RPS24: variants seen among roughly 807,000 people sequenced by gnomAD.
RPS24 encodes ribosomal protein S24.
For missense variants in RPS24, 100 were observed against 162.5 expected (o/e 0.62, Z 2.09); for synonymous variants, 72 against 55.6 (o/e 1.30, Z -1.31).
Position 78,040,635 on chromosome 10 carries a change from C to T in RPS24, c.*40C>T, listed in dbSNP as rs781422293. ...CACAGCCGAAGGAGTAAAGGTGCTG[C>T]AATGATGTTAGCTGTGGCCACTGTG... is the stretch of plus-strand genomic sequence containing the variant. On this transcript the variant is annotated 3_prime_UTR_variant, in exon 6 of 6. Transcript: ENST00000372360. 7 of 1,613,798 alleles carry T rather than the reference C, an allele frequency of 4.3e-6. No homozygotes were observed. The highest frequency in any genetic ancestry group is 1.7e-5 in the Admixed American group (1 of 60,014).
At chr10:78,055,010 A>T in exon 5 of RPS24, 1 of 1,460,520 alleles carries the variant, frequency 6.8e-7, no homozygotes. Context: ...TGGGCCACTA[A>T]TGTCACTGCC....
intron 1 of RPS24, 137 bp from the exon 2 acceptor site, chr10:78,035,215 A>T (rs778028436): frequency 1.2e-6 from 1 of 826,212 alleles, no homozygotes; most frequent in Non-Finnish European, 2.1e-6. Context: ...GGCCTTGCCC[A>T]GTGGGTTTTA....
chr10:78,040,892 G>A (rs1281897795), downstream of RPS24: 2 of 582,470 alleles, frequency 3.4e-6, no homozygotes, highest in Non-Finnish European at 6.1e-6. Context: ...TGTAAATGCT[G>A]TGTTAAGAAC....
At chr10:78,050,220 C>T (rs1848085800) in intron 4 of RPS24, among the ~76,000 whole-genome samples, 1 of 152,142 alleles carries the variant, frequency 6.6e-6, no homozygotes, top group African/African-American at 2.4e-5. Context: ...ATGGCTGCCA[C>T]AACCAGGATT....
downstream of RPS24, among the ~76,000 whole-genome samples, chr10:78,042,921 C>T (rs938013072): frequency 1.3e-5 from 2 of 152,178 alleles, no homozygotes; most frequent in African/African-American, 4.8e-5. Flanking sequence ...AAGACAGCAT[C>T]TTACATGGTG....
chr10:78,046,687 A>G (rs1848047382), intron 4 of RPS24, among the ~76,000 whole-genome samples: 1 of 151,896 alleles, frequency 6.6e-6, no homozygotes, highest in Non-Finnish European at 1.5e-5. Context: ...AAGTACTATT[A>G]CCCCCATTTT....
intron 4 of RPS24, among the ~76,000 whole-genome samples, chr10:78,051,396 A>G (rs1215386807): frequency 6.6e-6 from 1 of 152,224 alleles, no homozygotes; most frequent in Non-Finnish European, 1.5e-5. Flanking sequence ...TTTCCGTGCT[A>G]TGTCCACACC....
At chr10:78,042,380 T>C (rs1847995597), downstream of RPS24, among the ~76,000 whole-genome samples, 1 of 152,192 alleles carries the variant, frequency 6.6e-6, no homozygotes, top group Non-Finnish European at 1.5e-5. Context: ...GTCTTTTAAA[T>C]TGGGCTCCCA....
intron 4 of RPS24, chr10:78,038,491 A>G (rs1294904441): frequency 6.7e-6 from 1 of 149,178 alleles, no homozygotes; most frequent in Non-Finnish European, 1.5e-5. Flanking sequence ...GCCTTTTACC[A>G]TTTCCATTGC....
chr10:78,042,036 A>G (rs765666944), downstream of RPS24, among the ~76,000 whole-genome samples: 1 of 152,258 alleles, frequency 6.6e-6, no homozygotes, highest in Admixed American at 6.5e-5. Context: ...GTGATATTAT[A>G]GAAAATGTGG....
chr10:78,042,861 T>C (rs1351325245), downstream of RPS24, among the ~76,000 whole-genome samples: 1 of 152,192 alleles, frequency 6.6e-6, no homozygotes, highest in East Asian at 1.9e-4. Context: ...CTTTCAACTC[T>C]GCACTCTTCC....
At chr10:78,054,432 G>T in intron 4 of RPS24, 1 of 1,079,432 alleles carries the variant, frequency 9.3e-7, no homozygotes, top group South Asian at 1.7e-5. Flanking sequence ...GGTACCAAGT[G>T]AGGGAGGTGC....
chr10:78,033,981 C>T, intron 1 of RPS24, 77 bp downstream of exon 1: 1 of 1,568,040 alleles, frequency 6.4e-7, no homozygotes, highest in South Asian at 1.1e-5. Flanking sequence ...AGTACTTGAG[C>T]TATAGGCACG....
chr10:78,044,168 G>A (rs1461419089), downstream of RPS24, among the ~76,000 whole-genome samples: 2 of 152,118 alleles, frequency 1.3e-5, no homozygotes, highest in Non-Finnish European at 2.9e-5. Context: ...GTCTAAGAAC[G>A]TTTGCCCCAT....
At chr10:78,035,963 A>T in intron 3 of RPS24, 2 of 511,042 alleles carry the variant, frequency 3.9e-6, no homozygotes, top group Middle Eastern at 3.0e-4. Context: ...GCTAGGGGTA[A>T]GGATTGTTTT....
chr10:78,043,893 A>T (rs1018213454), downstream of RPS24, among the ~76,000 whole-genome samples: 1 of 152,146 alleles, frequency 6.6e-6, no homozygotes, highest in South Asian at 2.1e-4. Flanking sequence ...AAAAGTGATG[A>T]TCCTCTTGAA....
chr10:78,054,603 A>T (rs1848132029), exon 5 of RPS24: 2 of 1,551,504 alleles, frequency 1.3e-6, no homozygotes, highest in Non-Finnish European at 1.7e-6. Flanking sequence ...AGATGTGAAG[A>T]ACTCGAAGGC....
intron 3 of RPS24, 53 bp from the exon 4 acceptor site, chr10:78,037,141 G>C: frequency 6.4e-7 from 1 of 1,560,446 alleles, no homozygotes; most frequent in South Asian, 1.2e-5. Flanking sequence ...CAGAGTGGTG[G>C]GTAATGATTT....
intron 4 of RPS24, among the ~76,000 whole-genome samples, chr10:78,046,050 A>G (rs1354284224): frequency 6.6e-6 from 1 of 151,990 alleles, no homozygotes; most frequent in East Asian, 1.9e-4. Flanking sequence ...GAGTTAGTAG[A>G]TCTGGGTAGC....
Sources: allele counts gnomAD v4.1 joint callset (sites outside exome capture counted in the v4.1 genomes callset), GRCh38; gene constraint gnomAD v4.1.1; transcripts MANE v1.5; gene names NCBI Gene and HGNC (gene_info 2026-07-23, HGNC 2026-07-21).